Variants in TMEM192 observed in about 807,000 individuals in gnomAD.
TMEM192 encodes transmembrane protein 192.
TMEM192 carries 20 observed loss-of-function variants against 26.7 expected under a neutral mutation model. That is an observed-to-expected ratio of 0.75 (90% confidence interval 0.53 to 1.09). TMEM192 has a LOEUF of 1.09. TMEM192 is among the 50% of genes least tolerant of loss of function. The pLI, the probability that TMEM192 is intolerant of heterozygous loss-of-function variation, is 0.00. For synonymous variants in TMEM192, 124 were observed against 121.0 expected (o/e 1.02, Z -0.16); for missense variants, 304 against 322.6 (o/e 0.94, Z 0.44).
At chr4:165,108,419 C>T (rs1414254570) in intron 1 of TMEM192, among the ~76,000 whole-genome samples, 3 of 152,120 alleles carry the variant, frequency 2.0e-5, no homozygotes, top group African/African-American at 7.2e-5. Context: ...CCGCACCCGG[C>T]CATTTTCTGT....
intron 3 of TMEM192, among the ~76,000 whole-genome samples, chr4:165,089,397 T>C (rs888977816): frequency 2.0e-5 from 3 of 152,078 alleles, no homozygotes; most frequent in African/African-American, 7.2e-5. Flanking sequence ...CTCGGCTCAC[T>C]GCAAGCTCCA....
chr4:165,094,289 A>G (rs901039385), intron 3 of TMEM192, among the ~76,000 whole-genome samples: 4 of 151,886 alleles, frequency 2.6e-5, no homozygotes, highest in Non-Finnish European at 5.9e-5. Flanking sequence ...CGCCTGCCTT[A>G]GCCTCCCAAA....
intron 2 of TMEM192, 108 bp downstream of exon 2, chr4:165,102,842 C>T (rs1244985442): frequency 9.3e-6 from 9 of 972,042 alleles, no homozygotes; most frequent in Non-Finnish European, 1.1e-5. Flanking sequence ...AGAACATGTG[C>T]CCTACATTTT....
chr4:165,109,270 C>A (rs1301711545), intron 1 of TMEM192, among the ~76,000 whole-genome samples: 1 of 152,196 alleles, frequency 6.6e-6, no homozygotes. Flanking sequence ...TGATACACAG[C>A]AGATGCTAAG....
At chr4:165,095,970 T>A (rs13143443) in intron 3 of TMEM192, among the ~76,000 whole-genome samples, 1 of 131,888 alleles carries the variant, frequency 7.6e-6, no homozygotes, top group Non-Finnish European at 1.7e-5. Context: ...TTTTTTTTTG[T>A]ATTTTTAGTA....
chr4:165,094,401 T>A (rs1035718959), intron 3 of TMEM192, among the ~76,000 whole-genome samples: 4 of 152,200 alleles, frequency 2.6e-5, no homozygotes, highest in African/African-American at 9.6e-5. Context: ...TTGTTTTACA[T>A]CACTCACCGT....
chr4:165,095,207 T>C (rs1226978367), intron 3 of TMEM192, among the ~76,000 whole-genome samples: 1 of 152,060 alleles, frequency 6.6e-6, no homozygotes, highest in African/African-American at 2.4e-5. Context: ...AGGGTTCTGG[T>C]AGGAAGAAAT....
chr4:165,096,970 T>TA (rs1734922436), intron 3 of TMEM192, among the ~76,000 whole-genome samples: 3 of 151,640 alleles, frequency 2.0e-5, no homozygotes, highest in African/African-American at 7.3e-5. Context: ...TCTTTTTTTT[T>TA]AATCTTTGTG....
rs200755080 is a variant in TMEM192, at chr4:165,079,786, T to G, written c.688A>C (p.Ser230Arg). 233 of 1,613,614 alleles carry G rather than the reference T, an allele frequency of 1.4e-4. 1 individual carries two copies. Among genetic ancestry groups the G allele is most frequent in the Non-Finnish European group, 1.2e-4 (147 of 1,179,850 alleles). The change falls in exon 6 of 6, where the codon AGC (serine) becomes CGC (arginine). Residue 230 changes from serine (S) to arginine (R), a missense_variant. Transcript: ENST00000306480. ...TGCTTTTCAACAATTTCTTCTAGGC[T>G]TGAAATAGTTCTGCAAGTAATCAAG... ...TSETGFRTIS[S>R]LEEIVEKQGD...
chr4:165,104,263 T>C (rs911781971), intron 1 of TMEM192, among the ~76,000 whole-genome samples: 2 of 152,118 alleles, frequency 1.3e-5, no homozygotes, highest in African/African-American at 4.8e-5. Flanking sequence ...ATGAAAAGCA[T>C]AGAAGACAAT....
rs755013001 is a variant in TMEM192 at position 165,108,112 on chromosome 4, C to CTTT, written c.27+4632_27+4634dup. On this transcript the variant is annotated intron_variant, in intron 1 of 5. Transcript: ENST00000306480. ...GGGTGCTGGGTATTTTCTGTATTCC[C>CTTT]TTTTTTTTTTTTTTTTTTTTTTTTT... Among the ~76,000 whole-genome samples, 16 of 91,198 alleles carry CTTT rather than the reference C, an allele frequency of 1.8e-4. 1 individual carries two copies. Among genetic ancestry groups the CTTT allele is most frequent in the African/African-American group, 5.7e-4 (11 of 19,168 alleles). 59.8% of individuals were successfully genotyped at this position (91,198 alleles called of 152,430 possible).
At chr4:165,091,372 G>C (rs1178129337) in intron 3 of TMEM192, among the ~76,000 whole-genome samples, 1 of 152,122 alleles carries the variant, frequency 6.6e-6, no homozygotes, top group Non-Finnish European at 1.5e-5. Context: ...TCTAAGACTA[G>C]AGCCCTTTCA....
At chr4:165,089,662 AGAG>A (rs1161028373) in intron 3 of TMEM192, among the ~76,000 whole-genome samples, 2 of 151,864 alleles carry the variant, frequency 1.3e-5, no homozygotes, top group Non-Finnish European at 2.9e-5. Flanking sequence ...GCTTTGGGAG[AGAG>A]GAGTCTAGTT....
intron 1 of TMEM192, 76 bp from the exon 2 acceptor site, chr4:165,103,172 C>G (rs1405954444): frequency 1.5e-6 from 2 of 1,375,334 alleles, no homozygotes; most frequent in African/African-American, 2.9e-5. Flanking sequence ...TACTAAACTA[C>G]AGAGCTTTTT....
chr4:165,095,139 A>G (rs1274148729), intron 3 of TMEM192, among the ~76,000 whole-genome samples: 1 of 152,120 alleles, frequency 6.6e-6, no homozygotes, highest in Non-Finnish European at 1.5e-5. Context: ...GAAACCCATG[A>G]TCTCACCCAG....
intron 3 of TMEM192, among the ~76,000 whole-genome samples, chr4:165,100,142 T>C (rs1735004327): frequency 6.7e-6 from 1 of 150,286 alleles, no homozygotes; most frequent in Non-Finnish European, 1.5e-5. Flanking sequence ...ATTAAGGCTA[T>C]ATATTTCATA....
At chr4:165,110,447 C>T (rs974845786) in intron 1 of TMEM192, among the ~76,000 whole-genome samples, 13 of 152,174 alleles carry the variant, frequency 8.5e-5, no homozygotes, top group African/African-American at 2.7e-4. Flanking sequence ...AGGCCGGGCA[C>T]GGTGGCTCAC....
rs181128991 is a variant in TMEM192, at chr4:165,104,473, C to T, written c.28-1377G>A. On this transcript the variant is annotated intron_variant, in intron 1 of 5. Coordinates refer to ENST00000306480, the MANE Select transcript of TMEM192 (RefSeq NM_001100389.2). ...GGGTGTAACCTAGCTCTGGAGTGGG[C>T]TCCTCAATTTCCAGTAGCAGGTATT... 2.6e-5 allele frequency among the ~76,000 whole-genome samples: 4 copies of T among 152,248 alleles called. No homozygotes were observed. In the East Asian group the frequency reaches 7.7e-4, roughly 29 times the overall value.
intron 3 of TMEM192, among the ~76,000 whole-genome samples, chr4:165,099,215 T>C (rs1057236459): frequency 2.0e-5 from 3 of 148,008 alleles, no homozygotes; most frequent in Non-Finnish European, 3.0e-5. Flanking sequence ...GCTTCCAGAG[T>C]AGCTGGGACC....
Sources: gnomAD v4.1 joint callset for allele counts (sites outside exome capture counted in the v4.1 genomes callset) on GRCh38, gnomAD v4.1.1 for gene constraint, MANE v1.5 for transcripts, NCBI Gene and HGNC (gene_info 2026-07-23, HGNC 2026-07-21) for gene names.